SFRP1: variants seen among roughly 807,000 people sequenced by gnomAD.
The protein encoded by SFRP1 is secreted frizzled related protein 1.
In SFRP1, 9 loss-of-function variants were observed where a neutral mutation model predicts 25.9. The observed-to-expected ratio is 0.35, with a 90% CI of 0.21 to 0.61. The LOEUF is 0.61. SFRP1 is among the 20% of genes least tolerant of loss of function. SFRP1 has a pLI of 0.78. For missense variants in SFRP1, 346 were observed against 418.2 expected (o/e 0.83, Z 1.51); for synonymous variants, 178 against 174.0 (o/e 1.02, Z -0.18).
At chr8:41,291,793 G>A (rs994375419) in intron 2 of SFRP1, among the ~76,000 whole-genome samples, 3 of 152,118 alleles carry the variant, frequency 2.0e-5, no homozygotes, top group African/African-American at 7.2e-5. Context: ...GTTAATCCAG[G>A]TGTTTCCTTC....
At chr8:41,300,874 C>A (rs541012485) in intron 2 of SFRP1, among the ~76,000 whole-genome samples, 1 of 152,206 alleles carries the variant, frequency 6.6e-6, no homozygotes, top group African/African-American at 2.4e-5. Flanking sequence ...ACATCTGGTG[C>A]TTGATCCAGG....
intron 2 of SFRP1, 113 bp from the exon 3 acceptor site, chr8:41,265,602 G>T: frequency 2.7e-6 from 2 of 737,974 alleles, no homozygotes; most frequent in Non-Finnish European, 4.1e-6. Flanking sequence ...TTATTTTTTG[G>T]CTTATACTTT....
chr8:41,275,451 G>C (rs905368406), intron 2 of SFRP1: 5 of 217,466 alleles, frequency 2.3e-5, no homozygotes, highest in Admixed American at 5.5e-5. Flanking sequence ...AGTTCCCAAA[G>C]AGATAACAAG....
chr8:41,303,374 G>A (rs765555010), intron 2 of SFRP1, 87 bp downstream of exon 2: 71 of 945,050 alleles, frequency 7.5e-5, no homozygotes, highest in Middle Eastern at 2.1e-4. Flanking sequence ...AAGCTGCAAC[G>A]AGATACATCA....
At chr8:41,302,534 G>A (rs1803936323) in intron 2 of SFRP1, among the ~76,000 whole-genome samples, 1 of 152,202 alleles carries the variant, frequency 6.6e-6, no homozygotes, top group East Asian at 1.9e-4. Flanking sequence ...AGGGACACAA[G>A]GCAGGAATTA....
At chr8:41,295,036 T>A (rs1159402015) in intron 2 of SFRP1, among the ~76,000 whole-genome samples, 1 of 152,190 alleles carries the variant, frequency 6.6e-6, no homozygotes, top group Non-Finnish European at 1.5e-5. Context: ...AAGCAGTTTA[T>A]AATCCAGCAG....
intron 2 of SFRP1, among the ~76,000 whole-genome samples, chr8:41,302,486 G>T (rs966205651): frequency 6.6e-6 from 1 of 152,176 alleles, no homozygotes; most frequent in African/African-American, 2.4e-5. Context: ...CTATCTTTAC[G>T]CTTTTCCAGA....
intron 2 of SFRP1, among the ~76,000 whole-genome samples, chr8:41,290,831 G>C (rs1803767042): frequency 7.1e-6 from 1 of 141,796 alleles, no homozygotes; most frequent in African/African-American, 2.6e-5. Context: ...TCTGCCATTA[G>C]GACTTCATTA....
At chr8:41,272,990 A>C (rs1200407726) in intron 2 of SFRP1, among the ~76,000 whole-genome samples, 1 of 152,244 alleles carries the variant, frequency 6.6e-6, no homozygotes, top group African/African-American at 2.4e-5. Context: ...TTATCAATAC[A>C]GACACTGGAA....
At chr8:41,307,016 C>A in intron 1 of SFRP1, 2 of 1,444,082 alleles carry the variant, frequency 1.4e-6, no homozygotes, top group South Asian at 2.9e-5. Context: ...AAGAGACCAT[C>A]GGAAGCCATT....
intron 2 of SFRP1, among the ~76,000 whole-genome samples, chr8:41,277,600 G>T (rs942406941): frequency 1.3e-5 from 2 of 152,166 alleles, no homozygotes; most frequent in African/African-American, 4.8e-5. Context: ...GCCATGAGAT[G>T]GGGCCCAGGA....
At chr8:41,303,052 TAAAAAAAAAA>T (rs397891660) in intron 2 of SFRP1, among the ~76,000 whole-genome samples, 1 of 101,214 alleles carries the variant, frequency 9.9e-6, no homozygotes, top group African/African-American at 3.7e-5. Flanking sequence ...GGGTAGATGT[TAAAAAAAAAA>T]AAAAAAAAAA....
At chr8:41,299,992 C>T (rs578049130) in intron 2 of SFRP1, among the ~76,000 whole-genome samples, 1 of 152,320 alleles carries the variant, frequency 6.6e-6, no homozygotes, top group African/African-American at 2.4e-5. Context: ...GCCGCAGTGA[C>T]TGTGCTAGCA....
intron 2 of SFRP1, among the ~76,000 whole-genome samples, chr8:41,290,621 C>T (rs1421350508): frequency 6.6e-6 from 1 of 152,198 alleles, no homozygotes; most frequent in Non-Finnish European, 1.5e-5. Context: ...GGCCCCTTCC[C>T]TGACGGCCAG....
chr8:41,268,100 C>T lies in SFRP1; in HGVS notation c.623-2611G>A, dbSNP rs143258329. On this transcript the variant is annotated intron_variant, in intron 2 of 2. Coordinates refer to ENST00000220772, the MANE Select transcript of SFRP1 (RefSeq NM_003012.5). ...TGCATACTCCAGCTGACAAGGCGAG[C>T]GCCCTCTTGTCTGCAGAGAAGTGAG... 3.9e-5 allele frequency among the ~76,000 whole-genome samples: 6 copies of T among 152,312 alleles called. No homozygotes were observed. In the East Asian group the frequency reaches 5.8e-4, roughly 15 times the overall value.
chr8:41,264,764 C>A lies in SFRP1; in HGVS notation c.*403G>T. On this transcript the variant is annotated 3_prime_UTR_variant, in exon 3 of 3. Coordinates refer to ENST00000220772, the MANE Select transcript of SFRP1 (RefSeq NM_003012.5). ...TCATTAGAATTTTCTAGTTGAAAGGCATAGATCAGCCAATAGATCCACACC... is the reference window on the plus strand; with the variant it reads ...TCATTAGAATTTTCTAGTTGAAAGGAATAGATCAGCCAATAGATCCACACC... 1 of 174,330 alleles carries A rather than the reference C, an allele frequency of 5.7e-6. No individual in the cohort carries two copies. 10.8% of individuals were successfully genotyped at this position (174,330 alleles called of 1,614,324 possible). A position where few individuals can be genotyped will look rare whatever the true frequency, so the allele number is the denominator to read the frequency against.
At chr8:41,298,648 C>G (rs1157216203) in intron 2 of SFRP1, among the ~76,000 whole-genome samples, 2 of 152,162 alleles carry the variant, frequency 1.3e-5, no homozygotes, top group African/African-American at 2.4e-5. Flanking sequence ...CTCCTGACCT[C>G]AAGCAATCCT....
intron 2 of SFRP1, among the ~76,000 whole-genome samples, chr8:41,271,920 G>A (rs1372741052): frequency 6.6e-6 from 1 of 152,000 alleles, no homozygotes; most frequent in Non-Finnish European, 1.5e-5. Flanking sequence ...AGCTATGACT[G>A]CACCCCTGCG....
chr8:41,291,367 T>C (rs1803777683), intron 2 of SFRP1, among the ~76,000 whole-genome samples: 1 of 152,136 alleles, frequency 6.6e-6, no homozygotes, highest in Admixed American at 6.5e-5. Flanking sequence ...TTCTAGATAC[T>C]CACCACCACA....
Sources: gnomAD v4.1 joint callset for allele counts (sites outside exome capture counted in the v4.1 genomes callset) on GRCh38, gnomAD v4.1.1 for gene constraint, MANE v1.5 for transcripts, NCBI Gene and HGNC (gene_info 2026-07-23, HGNC 2026-07-21) for gene names.